Variants in GABRA2 observed in about 807,000 individuals in gnomAD.
The protein encoded by GABRA2 is gamma-aminobutyric acid type A receptor subunit alpha2.
Under a neutral mutation model 48.7 loss-of-function variants are expected in GABRA2, and 16 were observed. That is an observed-to-expected ratio of 0.33 (90% CI 0.22 to 0.50). GABRA2 has a LOEUF of 0.50. Among genes scored for constraint, GABRA2 ranks in the 20% least tolerant of loss-of-function variants. GABRA2 has a pLI of 0.98. For synonymous variants in GABRA2, 185 were observed against 184.5 expected (o/e 1.00, Z -0.02); for missense variants, 275 against 535.6 (o/e 0.51, Z 4.80).
intron 3 of GABRA2, among the ~76,000 whole-genome samples, chr4:46,377,861 G>A (rs1716089803): frequency 6.7e-6 from 1 of 149,730 alleles, no homozygotes; most frequent in Non-Finnish European, 1.5e-5. Flanking sequence ...GGGAGGTGGG[G>A]GGGTCAGCCC....
chr4:46,277,518 C>T (rs937400066), intron 8 of GABRA2, among the ~76,000 whole-genome samples: 4 of 152,206 alleles, frequency 2.6e-5, no homozygotes, highest in African/African-American at 9.7e-5. Flanking sequence ...CACCTTCTCA[C>T]TTACTTTTCC....
At chr4:46,315,029 G>T (rs1728308099) in intron 4 of GABRA2, among the ~76,000 whole-genome samples, 1 of 152,006 alleles carries the variant, frequency 6.6e-6, no homozygotes, top group African/African-American at 2.4e-5. Flanking sequence ...TGGGTTGCAT[G>T]GTAGGTCTGT....
chr4:46,311,103 A>G lies in GABRA2; in HGVS notation c.477-848T>C, dbSNP rs77814841. ...AAAATTATATATGTCCTGTGCCTGC[A>G]TTTTATTTAAACCCTAAAGTTTTAC... is the stretch of plus-strand genomic sequence containing the variant. On this transcript the variant is annotated intron_variant, in intron 5 of 9. Coordinates refer to ENST00000381620, the MANE Select transcript of GABRA2 (RefSeq NM_000807.4). Among the ~76,000 whole-genome samples the G allele has an allele frequency of 5.8e-4, 88 of 152,312 alleles. 1 individual carries two copies. In the East Asian group the frequency reaches 0.015, roughly 26 times the overall value.
At chr4:46,305,457 A>T in intron 7 of GABRA2, 111 bp downstream of exon 7, 1 of 904,084 alleles carries the variant, frequency 1.1e-6, no homozygotes, top group Non-Finnish European at 1.7e-6. Context: ...CTATGCTGCT[A>T]GTTCTTGGAC....
chr4:46,385,432 ATTTTCTGAATATTTATTTTAT>A, intron 3 of GABRA2, among the ~76,000 whole-genome samples: 1 of 152,042 alleles, frequency 6.6e-6, no homozygotes, highest in Middle Eastern at 3.4e-3. Flanking sequence ...AAAAATTTTA[ATTTTCTGAATATTTATTTTAT>A]TTTTCTGAAT....
intron 8 of GABRA2, among the ~76,000 whole-genome samples, chr4:46,265,243 C>T (rs1261917550): frequency 1.3e-5 from 2 of 149,406 alleles, no homozygotes; most frequent in Non-Finnish European, 3.0e-5. Context: ...GTCGTATTGG[C>T]CTGGCTGGTC....
At chr4:46,323,735 TAA>T (rs896023638) in intron 4 of GABRA2, among the ~76,000 whole-genome samples, 5 of 140,638 alleles carry the variant, frequency 3.6e-5, no homozygotes, top group Non-Finnish European at 6.2e-5. Flanking sequence ...ACAACATCAT[TAA>T]AAAAAAAAAG....
At chr4:46,317,259 A>T (rs1728702379) in intron 4 of GABRA2, among the ~76,000 whole-genome samples, 1 of 151,902 alleles carries the variant, frequency 6.6e-6, no homozygotes, top group South Asian at 2.1e-4. Context: ...CAACTGTATT[A>T]TACCTAAATG....
At chr4:46,337,142 G>GA (rs1732383195) in intron 3 of GABRA2, among the ~76,000 whole-genome samples, 1 of 151,828 alleles carries the variant, frequency 6.6e-6, no homozygotes, top group South Asian at 2.1e-4. Flanking sequence ...CAACATAATA[G>GA]AAAAAAAGCA....
chr4:46,352,488 C>T (rs567366586), intron 3 of GABRA2, among the ~76,000 whole-genome samples: 2 of 152,080 alleles, frequency 1.3e-5, no homozygotes, highest in East Asian at 3.9e-4. Context: ...TTTTATGTAT[C>T]CCATCTGTAA....
chr4:46,310,591 C>T (rs767185611), intron 5 of GABRA2, among the ~76,000 whole-genome samples: 1 of 152,070 alleles, frequency 6.6e-6, no homozygotes, highest in African/African-American at 2.4e-5. Flanking sequence ...AAAAAAATCT[C>T]TATCATTAAA....
At chr4:46,342,698 A>T (rs1032273704) in intron 3 of GABRA2, among the ~76,000 whole-genome samples, 1 of 152,042 alleles carries the variant, frequency 6.6e-6, no homozygotes, top group African/African-American at 2.4e-5. Flanking sequence ...CGTAGGCTGG[A>T]GTGAAGTCAT....
chr4:46,325,850 G>T (rs567891725), intron 4 of GABRA2, among the ~76,000 whole-genome samples: 1 of 152,076 alleles, frequency 6.6e-6, no homozygotes, highest in Non-Finnish European at 1.5e-5. Flanking sequence ...CCCACTGCTT[G>T]TTTTTGTCGA....
chr4:46,325,405 TC>T (rs999355199), intron 4 of GABRA2, among the ~76,000 whole-genome samples: 3 of 152,048 alleles, frequency 2.0e-5, no homozygotes, highest in Non-Finnish European at 4.4e-5. Flanking sequence ...TCCTTTCATG[TC>T]CTTTTTCCAT....
At chr4:46,364,043 C>T (rs1713652205) in intron 3 of GABRA2, 1 of 152,112 alleles carries the variant, frequency 6.6e-6, no homozygotes, top group Non-Finnish European at 1.5e-5. Context: ...CACATCAATG[C>T]CATATCGTAT....
intron 3 of GABRA2, among the ~76,000 whole-genome samples, chr4:46,335,935 C>A (rs1732153220): frequency 6.6e-6 from 1 of 152,096 alleles, no homozygotes; most frequent in Admixed American, 6.6e-5. Flanking sequence ...GTAATGTAAG[C>A]CCTCTTCTCT....
Position 46,386,296 on chromosome 4 carries a change from T to C in GABRA2, c.72-107A>G, listed in dbSNP as rs564233242. ...ATTTTAACACTCCCTGAGCTATTAG[T>C]ACCACCCGTTTTCCTCCTTTTTTTT... On this transcript the variant is annotated intron_variant, in intron 2 of 9. Coordinates refer to ENST00000381620, the MANE Select transcript of GABRA2 (RefSeq NM_000807.4). 4.7e-6 allele frequency: 3 copies of C among 638,118 alleles called. No homozygotes were observed. In the East Asian group the frequency reaches 9.7e-5, roughly 21 times the overall value. The allele number at this position is 638,118 out of a possible 1,614,324, so 39.5% of individuals were successfully genotyped here.
intron 3 of GABRA2, among the ~76,000 whole-genome samples, chr4:46,358,131 T>C (rs1043446591): frequency 1.3e-5 from 2 of 152,142 alleles, no homozygotes; most frequent in Non-Finnish European, 2.9e-5. Context: ...ATAATGACAA[T>C]GAAGATCTTT....
rs1240977705 is a variant in GABRA2, at chr4:46,243,965, A to G, written c.*6343T>C. The G allele has an allele frequency of 2.0e-5, 3 of 151,584 alleles. No individual in the cohort carries two copies. Among genetic ancestry groups the G allele is most frequent in the African/African-American group, 7.2e-5 (3 of 41,412 alleles). The allele number at this position is 151,584 out of a possible 1,614,324, so 9.4% of individuals were successfully genotyped here. On this transcript the variant is annotated 3_prime_UTR_variant, in exon 10 of 10. Transcript: ENST00000381620. Reference sequence around the variant, plus strand: ...ACATCACATCTACTGGAAACATTTCATGAAAGGTGATGTTCCTTAGTTTGA... The same window carrying G: ...ACATCACATCTACTGGAAACATTTCGTGAAAGGTGATGTTCCTTAGTTTGA...
Sources: gnomAD v4.1 joint callset for allele counts (sites outside exome capture counted in the v4.1 genomes callset) on GRCh38, gnomAD v4.1.1 for gene constraint, MANE v1.5 for transcripts, NCBI Gene and HGNC (gene_info 2026-07-23, HGNC 2026-07-21) for gene names.